Variants in CDH18 observed in about 807,000 individuals in gnomAD.
CDH18 encodes the protein cadherin-18.
A neutral mutation model predicts 67.9 loss-of-function variants in CDH18; 31 were observed. The ratio of observed to expected loss-of-function variants is 0.46; its 90% CI spans 0.34 to 0.62. CDH18 has a LOEUF of 0.62. Ranked by LOEUF, CDH18 falls within the 20% of genes least tolerant of loss-of-function variation. The pLI is 0.01. For missense variants in CDH18, 890 were observed against 975.5 expected (o/e 0.91, Z 1.17); for synonymous variants, 362 against 347.2 (o/e 1.04, Z -0.48).
At chr5:20,483,077 A>G (rs896495097) in intron 1 of CDH18, among the ~76,000 whole-genome samples, 1 of 152,122 alleles carries the variant, frequency 6.6e-6, no homozygotes, top group African/African-American at 2.4e-5. Context: ...AAGTTGAAGG[A>G]TGTAACATCG....
intron 2 of CDH18, among the ~76,000 whole-genome samples, chr5:20,245,900 G>T (rs1306437573): frequency 1.3e-5 from 2 of 152,176 alleles, no homozygotes; most frequent in South Asian, 4.1e-4. Context: ...ATGTTAACAT[G>T]ATTTTTGCTT....
intron 1 of CDH18, among the ~76,000 whole-genome samples, chr5:20,500,796 G>A (rs1754205271): frequency 6.6e-6 from 1 of 152,060 alleles, no homozygotes. Flanking sequence ...TAATTCCAAG[G>A]ACATCCATAT....
chr5:19,787,692 AAGAG>A (rs1224969980), intron 3 of CDH18, among the ~76,000 whole-genome samples: 1 of 151,792 alleles, frequency 6.6e-6, no homozygotes, highest in Non-Finnish European at 1.5e-5. Flanking sequence ...ATCAAGCAAG[AAGAG>A]AGAGAAACCA....
intron 8 of CDH18, among the ~76,000 whole-genome samples, chr5:19,545,463 G>A (rs1420886655): frequency 6.6e-6 from 1 of 151,880 alleles, no homozygotes; most frequent in African/African-American, 2.4e-5. Context: ...AAATAACAGT[G>A]GCTACTTTTT....
chr5:20,468,589 C>A (rs759033534), intron 1 of CDH18, among the ~76,000 whole-genome samples: 1 of 152,084 alleles, frequency 6.6e-6, no homozygotes, highest in Non-Finnish European at 1.5e-5. Context: ...CTACATTTCC[C>A]AATATTAACT....
At chr5:19,795,778 C>A (rs554811219) in intron 3 of CDH18, among the ~76,000 whole-genome samples, 50 of 152,074 alleles carry the variant, frequency 3.3e-4, no homozygotes, top group Admixed American at 3.1e-3. Context: ...GAACCAATTA[C>A]TGGAAATATC....
intron 1 of CDH18, among the ~76,000 whole-genome samples, chr5:20,469,547 C>T (rs1012615628): frequency 2.6e-5 from 4 of 152,106 alleles, no homozygotes; most frequent in African/African-American, 4.8e-5. Flanking sequence ...TTTGCTGTAA[C>T]GGATACCCCG....
intron 1 of CDH18, among the ~76,000 whole-genome samples, chr5:20,469,917 C>T (rs565524282): frequency 5.6e-4 from 85 of 152,234 alleles, no homozygotes; most frequent in African/African-American, 1.9e-3. Context: ...CACATTTTGG[C>T]CTCTCAGTTT....
At chr5:19,817,787 G>C (rs149662285) in intron 3 of CDH18, among the ~76,000 whole-genome samples, 2 of 152,030 alleles carry the variant, frequency 1.3e-5, no homozygotes, top group Admixed American at 6.5e-5. Flanking sequence ...TCTTACCCAG[G>C]AGCTCAAAAA....
intron 2 of CDH18, among the ~76,000 whole-genome samples, chr5:20,182,472 C>T (rs1737763195): frequency 6.6e-6 from 1 of 151,544 alleles, no homozygotes; most frequent in Admixed American, 6.6e-5. Flanking sequence ...TATGGTGGTG[C>T]ATGCCTATAA....
intron 8 of CDH18, among the ~76,000 whole-genome samples, chr5:19,559,257 T>C (rs758463181): frequency 3.9e-5 from 6 of 151,998 alleles, no homozygotes; most frequent in Non-Finnish European, 7.4e-5. Context: ...CTGATGAACA[T>C]ATATGAAAAA....
intron 6 of CDH18, among the ~76,000 whole-genome samples, chr5:19,599,322 ATG>A (rs1411660966): frequency 6.6e-6 from 1 of 152,170 alleles, no homozygotes; most frequent in African/African-American, 2.4e-5. Flanking sequence ...ATAATGGATT[ATG>A]TGTCTTTTTA....
At chr5:20,115,365 A>T (rs1747811328) in intron 2 of CDH18, among the ~76,000 whole-genome samples, 1 of 124,164 alleles carries the variant, frequency 8.1e-6, no homozygotes, top group Non-Finnish European at 1.6e-5. Flanking sequence ...TGCAACCTCC[A>T]CCTCCTGGGT....
intron 2 of CDH18, among the ~76,000 whole-genome samples, chr5:20,223,679 G>A (rs1261583178): frequency 1.3e-5 from 2 of 152,018 alleles, no homozygotes; most frequent in Admixed American, 6.6e-5. Context: ...GATTCATGGG[G>A]GTGAGTCTTT....
chr5:20,312,778 T>C (rs912174494), intron 1 of CDH18, among the ~76,000 whole-genome samples: 8 of 152,280 alleles, frequency 5.3e-5, no homozygotes, highest in Non-Finnish European at 1.0e-4. Context: ...GAAAATCTAT[T>C]ACTATTTTTC....
chr5:20,412,618 A>G (rs1746885958), intron 1 of CDH18, among the ~76,000 whole-genome samples: 1 of 152,210 alleles, frequency 6.6e-6, no homozygotes, highest in Admixed American at 6.5e-5. Flanking sequence ...ACCCATGCCT[A>G]GAATCTAGAA....
At chr5:19,838,537 T>A (rs974586782) in intron 3 of CDH18, among the ~76,000 whole-genome samples, 2 of 152,194 alleles carry the variant, frequency 1.3e-5, no homozygotes, top group Non-Finnish European at 2.9e-5. Flanking sequence ...GTCTTGTACA[T>A]ATGGGCCAAT....
intron 2 of CDH18, among the ~76,000 whole-genome samples, chr5:19,935,172 A>T (rs747387498): frequency 2.6e-5 from 4 of 151,284 alleles, no homozygotes; most frequent in Non-Finnish European, 5.9e-5. Context: ...GTTCATTAGA[A>T]ATATACCTGT....
chr5:19,516,384 C>G (rs147660557), intron 10 of CDH18, among the ~76,000 whole-genome samples: 2,077 of 152,104 alleles, frequency 0.014, 24 homozygotes, highest in South Asian at 0.031. Flanking sequence ...TGGGAGGATT[C>G]CCTCTTTTTC....
Sources: allele counts gnomAD v4.1 joint callset (sites outside exome capture counted in the v4.1 genomes callset), GRCh38; gene constraint gnomAD v4.1.1; transcripts MANE v1.5; gene names NCBI Gene and HGNC (gene_info 2026-07-23, HGNC 2026-07-21).